The following SEMA6A variants were observed in gnomAD, a reference collection of about 807,000 sequenced individuals.
SEMA6A encodes semaphorin-6A.
SEMA6A carries 25 observed loss-of-function variants against 96.8 expected under a neutral mutation model. That is an observed-to-expected ratio of 0.26 (90% CI 0.19 to 0.36). The LOEUF (loss-of-function observed/expected upper bound fraction) is 0.36. Among genes scored for constraint, SEMA6A ranks in the 10% least tolerant of loss-of-function variants. SEMA6A has a pLI of 1.00. For missense variants in SEMA6A, 1,363 were observed against 1,323.1 expected (o/e 1.03, Z -0.47); for synonymous variants, 612 against 518.0 (o/e 1.18, Z -2.46).
At chr5:116,454,143 C>G (rs966014215) in intron 18 of SEMA6A, among the ~76,000 whole-genome samples, 1 of 152,042 alleles carries the variant, frequency 6.6e-6, no homozygotes, top group African/African-American at 2.4e-5. Context: ...AAAGTGGACC[C>G]GGTGACCACA....
chr5:116,448,956 C>A (rs1040002589), intron 18 of SEMA6A, among the ~76,000 whole-genome samples: 1 of 152,116 alleles, frequency 6.6e-6, no homozygotes, highest in African/African-American at 2.4e-5. Context: ...CAGAGCTAAT[C>A]TCTTCAATTT....
chr5:116,467,201 G>A (rs1755810928), intron 18 of SEMA6A, among the ~76,000 whole-genome samples: 1 of 152,062 alleles, frequency 6.6e-6, no homozygotes, highest in Non-Finnish European at 1.5e-5. Context: ...TACTTCAATT[G>A]CATTCACTTG....
intron 13 of SEMA6A, 57 bp from the exon 14 acceptor site, chr5:116,478,211 C>T (rs932607899): frequency 4.6e-5 from 73 of 1,571,556 alleles, no homozygotes; most frequent in Admixed American, 5.5e-5. Context: ...TTCTCGGCCC[C>T]ACCCTCACAT....
chr5:116,467,610 A>T lies in SEMA6A; in HGVS notation c.1867T>A (p.Ser623Thr), dbSNP rs754966859. The change falls in exon 18 of 19, where the codon TCT (serine) becomes ACT (threonine). Residue 623 changes from serine (S) to threonine (T), a missense_variant. Coordinates refer to ENST00000343348, the MANE Select transcript of SEMA6A (RefSeq NM_020796.5). ...TTCTTGTCTTGGTGATTATGGGAAG[A>T]CACTGCCCCCAAAGGGTCTGTGCTG... ...PDSTDPLGAV[S>T]SHNHQDKKGV... is the part of the protein sequence containing the mutation. The T allele has an allele frequency of 8.1e-6, 13 of 1,613,074 alleles. No individual in the cohort carries two copies. The South Asian group carries it at 1.3e-4, about 16-fold the overall frequency.
At chr5:116,492,890 G>A (rs1757397479) in intron 6 of SEMA6A, among the ~76,000 whole-genome samples, 1 of 152,172 alleles carries the variant, frequency 6.6e-6, no homozygotes, top group Non-Finnish European at 1.5e-5. Flanking sequence ...ACTTAAGACA[G>A]AAGCTGTCGT....
At chr5:116,567,942 A>G (rs1284218281) in intron 1 of SEMA6A, among the ~76,000 whole-genome samples, 1 of 152,222 alleles carries the variant, frequency 6.6e-6, no homozygotes, top group Admixed American at 6.5e-5. Context: ...ACCTTGCCTG[A>G]TTTAATGATA....
At chr5:116,572,754 G>T (rs555883871) in intron 1 of SEMA6A, among the ~76,000 whole-genome samples, 2 of 152,268 alleles carry the variant, frequency 1.3e-5, no homozygotes, top group East Asian at 3.9e-4. Flanking sequence ...CCAAAGGGCC[G>T]GGATCTAGCT....
intron 1 of SEMA6A, among the ~76,000 whole-genome samples, chr5:116,529,035 G>T (rs2112834883): frequency 6.6e-6 from 1 of 152,292 alleles, no homozygotes; most frequent in South Asian, 2.1e-4. Flanking sequence ...TGCTGGTACT[G>T]GGTGGACATT....
chr5:116,480,834 C>G (rs149364727), intron 11 of SEMA6A, among the ~76,000 whole-genome samples: 1 of 152,256 alleles, frequency 6.6e-6, no homozygotes, highest in Non-Finnish European at 1.5e-5. Flanking sequence ...TTGATTTTGG[C>G]AGGTATGAAA....
chr5:116,509,026 A>C (rs1196716013), intron 1 of SEMA6A, among the ~76,000 whole-genome samples: 2 of 152,060 alleles, frequency 1.3e-5, no homozygotes, highest in Non-Finnish European at 2.9e-5. Context: ...TGTTTTAGAG[A>C]CCCGGCTGGG....
chr5:116,487,717 A>C (rs995283113), intron 9 of SEMA6A, among the ~76,000 whole-genome samples: 2 of 152,148 alleles, frequency 1.3e-5, no homozygotes, highest in Non-Finnish European at 2.9e-5. Context: ...TAAAAAAATT[A>C]GCTGGGCACG....
intron 1 of SEMA6A, among the ~76,000 whole-genome samples, chr5:116,515,029 C>T (rs1045951925): frequency 5.9e-5 from 9 of 152,226 alleles, no homozygotes; most frequent in Non-Finnish European, 1.2e-4. Context: ...GGTGGGATGA[C>T]TGGCAAAGGC....
At chr5:116,480,918 A>G (rs1756728633) in intron 11 of SEMA6A, among the ~76,000 whole-genome samples, 1 of 152,194 alleles carries the variant, frequency 6.6e-6, no homozygotes, top group Admixed American at 6.5e-5. Flanking sequence ...ATTTGCTTCT[A>G]CAAGAAATTC....
At chr5:116,545,414 A>G (rs1173436659) in intron 1 of SEMA6A, among the ~76,000 whole-genome samples, 2 of 152,060 alleles carry the variant, frequency 1.3e-5, no homozygotes, top group Non-Finnish European at 2.9e-5. Context: ...TACTAAAAAT[A>G]CAAAAATTAC....
chr5:116,480,079 G>C, intron 12 of SEMA6A, 43 bp downstream of exon 12: 1 of 1,604,658 alleles, frequency 6.2e-7, no homozygotes, highest in Non-Finnish European at 8.5e-7. Context: ...GACATGAGAT[G>C]AAGTTAGGAA....
intron 11 of SEMA6A, 129 bp downstream of exon 11, chr5:116,482,315 T>G: frequency 2.7e-5 from 27 of 981,898 alleles, no homozygotes; most frequent in Middle Eastern, 3.1e-4. Context: ...TTTTGGTTAA[T>G]GAGATGAAGG....
At chr5:116,497,820 G>T (rs1757674400) in intron 3 of SEMA6A, among the ~76,000 whole-genome samples, 1 of 152,154 alleles carries the variant, frequency 6.6e-6, no homozygotes, top group South Asian at 2.1e-4. Flanking sequence ...CAAAAAAAAT[G>T]ATCTCCATCG....
chr5:116,566,863 A>T (rs1202462549), intron 1 of SEMA6A, among the ~76,000 whole-genome samples: 1 of 152,166 alleles, frequency 6.6e-6, no homozygotes, highest in East Asian at 1.9e-4. Context: ...TGGCCAGGGA[A>T]GAGTGACCTG....
chr5:116,454,185 G>A (rs1754836908), intron 18 of SEMA6A, among the ~76,000 whole-genome samples: 1 of 152,172 alleles, frequency 6.6e-6, no homozygotes, highest in Non-Finnish European at 1.5e-5. Flanking sequence ...GTCCTTTAGA[G>A]AAATATGCAA....
Sources: allele counts gnomAD v4.1 joint callset (sites outside exome capture counted in the v4.1 genomes callset), GRCh38; gene constraint gnomAD v4.1.1; transcripts MANE v1.5; gene names NCBI Gene and HGNC (gene_info 2026-07-23, HGNC 2026-07-21).